The following SLC25A26 variants were observed in gnomAD, a reference collection of about 807,000 sequenced individuals.
The protein encoded by SLC25A26 is mitochondrial S-adenosylmethionine carrier protein.
A neutral mutation model predicts 37.8 loss-of-function variants in SLC25A26; 36 were observed. The ratio of observed to expected loss-of-function variants is 0.95; its 90% CI spans 0.73 to 1.26. The LOEUF (loss-of-function observed/expected upper bound fraction) is 1.26, where lower values mean the gene tolerates loss of function less well. Ranked by LOEUF, SLC25A26 falls within the 50% of genes most tolerant of loss-of-function variation. SLC25A26 has a pLI of 0.00. For synonymous variants in SLC25A26, 129 were observed against 122.5 expected (o/e 1.05, Z -0.35); for missense variants, 390 against 331.1 (o/e 1.18, Z -1.38).
intron 1 of SLC25A26, among the ~76,000 whole-genome samples, chr3:66,150,516 T>C (rs2070184208): frequency 1.1e-5 from 1 of 87,686 alleles, no homozygotes; most frequent in Admixed American, 1.2e-4. Flanking sequence ...AAAATATATA[T>C]ATATAATGAT....
intron 7 of SLC25A26, among the ~76,000 whole-genome samples, chr3:66,365,177 C>A (rs773791314): frequency 6.6e-6 from 1 of 152,150 alleles, no homozygotes; most frequent in Non-Finnish European, 1.5e-5. Context: ...CAGACTTTAC[C>A]CTTACATGGC....
chr3:66,249,317 C>T (rs934172139), intron 3 of SLC25A26, among the ~76,000 whole-genome samples: 1 of 152,186 alleles, frequency 6.6e-6, no homozygotes, highest in Admixed American at 6.5e-5. Flanking sequence ...GTTGGACCCC[C>T]TTTGTACCAC....
intron 5 of SLC25A26, among the ~76,000 whole-genome samples, chr3:66,328,815 G>A (rs563117468): frequency 1.3e-5 from 2 of 151,910 alleles, no homozygotes; most frequent in Non-Finnish European, 2.9e-5. Flanking sequence ...TGTCTAAATG[G>A]CACCATTTAA....
intron 6 of SLC25A26, chr3:66,355,930 C>G: frequency 2.3e-6 from 1 of 440,768 alleles, no homozygotes; most frequent in Non-Finnish European, 4.5e-6. Flanking sequence ...TAAATTTTGT[C>G]ATGTGATGTT....
chr3:66,267,940 C>G (rs982003810), intron 5 of SLC25A26, among the ~76,000 whole-genome samples: 7 of 152,194 alleles, frequency 4.6e-5, no homozygotes, highest in Admixed American at 1.3e-4. Context: ...CCTCCAAAGT[C>G]TCCTTCCCAG....
chr3:66,261,661 C>CTTCCAGTAAAGCAGAGG (rs1411032917), intron 3 of SLC25A26: 1 of 180,652 alleles, frequency 5.5e-6, no homozygotes, highest in East Asian at 1.8e-4. Flanking sequence ...GTATGCATTA[C>CTTCCAGTAAAGCAGAGG]TTCCAGTAAA....
chr3:66,205,583 C>T (rs1330421421), intron 1 of SLC25A26, among the ~76,000 whole-genome samples: 2 of 152,218 alleles, frequency 1.3e-5, no homozygotes, highest in Non-Finnish European at 2.9e-5. Flanking sequence ...CATATTTGGA[C>T]TGATGCATAC....
At chr3:66,351,086 T>G (rs762178549) in intron 6 of SLC25A26, among the ~76,000 whole-genome samples, 2 of 152,170 alleles carry the variant, frequency 1.3e-5, no homozygotes, top group Non-Finnish European at 2.9e-5. Context: ...GCCTGTCTAC[T>G]CTGAGCTGGA....
intron 1 of SLC25A26, among the ~76,000 whole-genome samples, chr3:66,155,091 T>C (rs547975601): frequency 6.6e-6 from 1 of 152,378 alleles, no homozygotes; most frequent in Admixed American, 6.5e-5. Context: ...ATTTGATTAA[T>C]AGCTGTCATT....
intron 5 of SLC25A26, among the ~76,000 whole-genome samples, chr3:66,291,446 A>G (rs990699229): frequency 3.3e-5 from 5 of 152,188 alleles, no homozygotes; most frequent in Admixed American, 6.5e-5. Context: ...ATTTAGTGCT[A>G]TAAATATGCG....
intron 5 of SLC25A26, among the ~76,000 whole-genome samples, chr3:66,319,742 ATCT>A (rs1257366034): frequency 1.6e-5 from 2 of 126,636 alleles, no homozygotes; most frequent in African/African-American, 6.4e-5. Flanking sequence ...CAGCAATTAA[ATCT>A]TTTTTTTTTT....
intron 5 of SLC25A26, among the ~76,000 whole-genome samples, chr3:66,315,784 A>T (rs570843864): frequency 1.2e-4 from 19 of 152,276 alleles, no homozygotes; most frequent in African/African-American, 4.6e-4. Context: ...TGTTTTATGA[A>T]TCTAGGTGCT....
chr3:66,308,679 C>T (rs1442063528), intron 5 of SLC25A26, among the ~76,000 whole-genome samples: 1 of 151,880 alleles, frequency 6.6e-6, no homozygotes, highest in Non-Finnish European at 1.5e-5. Flanking sequence ...TATTCCATAA[C>T]TATTCCATAT....
chr3:66,240,875 A>C (rs1186631578), intron 2 of SLC25A26, among the ~76,000 whole-genome samples: 1 of 150,810 alleles, frequency 6.6e-6, no homozygotes, highest in Non-Finnish European at 1.5e-5. Context: ...CCTCCTGAGT[A>C]GCTGGGACTA....
intron 1 of SLC25A26, among the ~76,000 whole-genome samples, chr3:66,184,692 C>T (rs2070792555): frequency 2.2e-5 from 1 of 45,390 alleles, no homozygotes; most frequent in Admixed American, 1.4e-4. Context: ...CCTCATCTGG[C>T]CCTCCCTCTT....
At chr3:66,243,777 C>A (rs907302464) in intron 3 of SLC25A26, among the ~76,000 whole-genome samples, 1 of 152,192 alleles carries the variant, frequency 6.6e-6, no homozygotes, top group African/African-American at 2.4e-5. Context: ...TGGTCAGGCA[C>A]TGTTGCAGCT....
intron 1 of SLC25A26, among the ~76,000 whole-genome samples, chr3:66,174,930 C>T (rs1232021711): frequency 4.0e-5 from 6 of 151,496 alleles, no homozygotes; most frequent in African/African-American, 1.5e-4. Context: ...CTTCATTAAT[C>T]CAGAAAATGA....
intron 2 of SLC25A26, among the ~76,000 whole-genome samples, chr3:66,238,360 CAT>C (rs1356145457): frequency 6.6e-6 from 1 of 152,050 alleles, no homozygotes; most frequent in Non-Finnish European, 1.5e-5. Context: ...TGTATTAACA[CAT>C]GTTTATGTGT....
At chr3:66,299,455 G>C (rs961683049) in intron 5 of SLC25A26, among the ~76,000 whole-genome samples, 5 of 152,144 alleles carry the variant, frequency 3.3e-5, no homozygotes, top group African/African-American at 1.2e-4. Flanking sequence ...CTCCGAAAAT[G>C]CTGGGATTAT....
Sources: allele counts gnomAD v4.1 joint callset (sites outside exome capture counted in the v4.1 genomes callset), GRCh38; gene constraint gnomAD v4.1.1; transcripts MANE v1.5; gene names NCBI Gene and HGNC (gene_info 2026-07-23, HGNC 2026-07-21).